The following FANK1 variants were observed in gnomAD, a reference collection of about 807,000 sequenced individuals.
FANK1 encodes the protein fibronectin type III and ankyrin repeat domains 1.
In FANK1, 44 loss-of-function variants were observed where a neutral mutation model predicts 45.3. The ratio of observed to expected loss-of-function variants is 0.97; its 90% CI spans 0.76 to 1.25. FANK1 has a LOEUF of 1.25. Ranked by LOEUF, FANK1 falls within the 50% of genes most tolerant of loss-of-function variation. The pLI, the probability that FANK1 is intolerant of heterozygous loss-of-function variation, is 0.00. For synonymous variants in FANK1, 149 were observed against 152.5 expected, an observed-to-expected ratio of 0.98 and a Z score of 0.17; for missense variants, 391 against 424.4, an observed-to-expected ratio of 0.92 and a Z score of 0.69.
intron 1 of FANK1, among the ~76,000 whole-genome samples, chr10:125,967,506 T>C (rs1950256871): frequency 6.6e-6 from 1 of 152,206 alleles, no homozygotes; most frequent in Non-Finnish European, 1.5e-5. Context: ...CTAGGTAAAA[T>C]AGAGTTGGCC....
Position 125,909,123 on chromosome 10 carries a change from C to T in FANK1, c.13+12468C>T, listed in dbSNP as rs150561837. 7.1e-3 allele frequency among the ~76,000 whole-genome samples: 1,083 copies of T among 152,318 alleles called. 11 individuals are homozygous for T. The highest frequency in any genetic ancestry group is 0.025 in the African/African-American group (1,020 of 41,576). On this transcript the variant is annotated intron_variant, in intron 1 of 10. Transcript: ENST00000368693. Reference sequence around the variant, plus strand: ...TAATGCATTAACTTCTGTAGGGTTGCTTGAATGTCCTTGCAGTATGGTAGC... The same window carrying T: ...TAATGCATTAACTTCTGTAGGGTTGTTTGAATGTCCTTGCAGTATGGTAGC...
chr10:125,977,617 G>A (rs1489919757), intron 1 of FANK1, among the ~76,000 whole-genome samples: 1 of 152,154 alleles, frequency 6.6e-6, no homozygotes, highest in Non-Finnish European at 1.5e-5. Flanking sequence ...AGGCAGCAGA[G>A]GAAGAGATCT....
intron 1 of FANK1, among the ~76,000 whole-genome samples, chr10:125,956,189 A>G (rs765132184): frequency 5.7e-5 from 5 of 87,634 alleles, no homozygotes; most frequent in South Asian, 5.6e-4. Flanking sequence ...CAGTACTTCT[A>G]TGATACATTT....
chr10:125,979,203 G>T (rs1251820208), intron 1 of FANK1, among the ~76,000 whole-genome samples: 1 of 152,182 alleles, frequency 6.6e-6, no homozygotes, highest in African/African-American at 2.4e-5. Context: ...TTTGTTCTCT[G>T]TGGGTCAGGT....
At chr10:125,898,870 C>A (rs1353087858) in intron 1 of FANK1, among the ~76,000 whole-genome samples, 1 of 150,460 alleles carries the variant, frequency 6.6e-6, no homozygotes, top group African/African-American at 2.4e-5. Flanking sequence ...TTAAATAATT[C>A]AATCACCATT....
At chr10:125,932,662 C>T (rs1041216353) in intron 1 of FANK1, among the ~76,000 whole-genome samples, 12 of 152,258 alleles carry the variant, frequency 7.9e-5, no homozygotes, top group East Asian at 1.9e-4. Flanking sequence ...CATCAGCAAA[C>T]GATAACAGTT....
At chr10:125,960,220 G>T in intron 1 of FANK1, 1 of 281,746 alleles carries the variant, frequency 3.5e-6, no homozygotes, top group South Asian at 3.9e-5. Flanking sequence ...CACAGGATCT[G>T]GACTCCAGGA....
intron 1 of FANK1, chr10:125,973,421 G>A (rs1047372607): frequency 4.1e-6 from 4 of 985,224 alleles, no homozygotes; most frequent in African/African-American, 3.5e-5. Context: ...GTGATACAAG[G>A]ACGTGAAGAT....
At chr10:125,947,256 C>T (rs1160923755) in intron 1 of FANK1, among the ~76,000 whole-genome samples, 4 of 150,768 alleles carry the variant, frequency 2.7e-5, no homozygotes, top group South Asian at 2.1e-4. Context: ...CAAATTCACA[C>T]ATAACAATAT....
Position 126,009,127 on chromosome 10 carries a change from A to T in FANK1, c.923A>T (p.Asn308Ile). The T allele has an allele frequency of 8.7e-6, 14 of 1,614,224 alleles. No individual in the cohort carries two copies. Among genetic ancestry groups the T allele is most frequent in the Non-Finnish European group, 1.2e-5 (14 of 1,180,024 alleles). Residue 308 changes from asparagine (N) to isoleucine (I), a missense_variant, in exon 9 of 11, where the codon AAT becomes ATT. Coordinates refer to ENST00000368693, the MANE Select transcript of FANK1 (RefSeq NM_145235.5). Reference sequence around the variant, plus strand: ...AAAGGGGCAGATGCAAGTGTAAAAAATGAGGTAAATGAGTCCATCTTTATG... The same window carrying T: ...AAAGGGGCAGATGCAAGTGTAAAAATTGAGGTAAATGAGTCCATCTTTATG... Reference protein sequence around the residue: ...LDKGADASVKNEFGKGVLEMA... With the variant: ...LDKGADASVKIEFGKGVLEMA...
chr10:125,927,638 C>A (rs543644204), intron 1 of FANK1, among the ~76,000 whole-genome samples: 40 of 152,222 alleles, frequency 2.6e-4, no homozygotes, highest in Middle Eastern at 6.8e-3. Context: ...CAACCTCCAC[C>A]TCCTGGGTTC....
chr10:125,945,572 A>G (rs1464541988), intron 1 of FANK1, among the ~76,000 whole-genome samples: 1 of 152,232 alleles, frequency 6.6e-6, no homozygotes, highest in Non-Finnish European at 1.5e-5. Flanking sequence ...CCACGAGATT[A>G]TATCCCACAC....
chr10:125,948,726 C>G (rs934888704), intron 1 of FANK1, among the ~76,000 whole-genome samples: 17 of 152,182 alleles, frequency 1.1e-4, no homozygotes, highest in African/African-American at 3.9e-4. Flanking sequence ...TGAAACTATT[C>G]CAATCAATAG....
Position 125,988,597 on chromosome 10 carries a change from C to T in FANK1, c.238C>T (p.Leu80=), listed in dbSNP as rs746886741. The change falls in exon 3 of 11, where the codon CTG becomes TTG. Residue 80 remains leucine, a synonymous_variant. Coordinates refer to ENST00000368693, the MANE Select transcript of FANK1 (RefSeq NM_145235.5). ...TGTTGAAGGTCTGGAACCAAGGACG[C>T]TGTACAGATTTCGCCTGAAGGTCAC... is the stretch of plus-strand genomic sequence containing the variant. ...HVVEGLEPRT[L]YRFRLKVTSP... is the part of the protein sequence containing the mutation. 3 of 1,614,208 alleles carry T rather than the reference C, an allele frequency of 1.9e-6. No individual in the cohort carries two copies. Among genetic ancestry groups the T allele is most frequent in the South Asian group, 2.2e-5 (2 of 91,078 alleles).
At chr10:125,995,256 CG>C (rs552714629) in intron 3 of FANK1, among the ~76,000 whole-genome samples, 160 bp from the exon 4 acceptor site, 1 of 152,104 alleles carries the variant, frequency 6.6e-6, no homozygotes, top group Non-Finnish European at 1.5e-5. Flanking sequence ...AGGTCATTTT[CG>C]GTAAAAGAAG....
intron 1 of FANK1, among the ~76,000 whole-genome samples, chr10:125,930,472 G>C (rs115346208): frequency 6.6e-6 from 1 of 151,704 alleles, no homozygotes; most frequent in African/African-American, 2.4e-5. Context: ...GAGCAGCTGG[G>C]ACAGCAGGCA....
chr10:125,935,476 G>A (rs1263463546), intron 1 of FANK1, among the ~76,000 whole-genome samples: 1 of 152,190 alleles, frequency 6.6e-6, no homozygotes, highest in Non-Finnish European at 1.5e-5. Context: ...TATATTTGAT[G>A]TGATAAGAAA....
intron 1 of FANK1, chr10:125,960,105 T>C (rs1410473387): frequency 6.2e-6 from 1 of 161,158 alleles, no homozygotes; most frequent in African/African-American, 2.4e-5. Context: ...ATATGTCACT[T>C]GACTAGGGAA....
At chr10:125,994,469 C>A in intron 3 of FANK1, 1 of 985,156 alleles carries the variant, frequency 1.0e-6, no homozygotes, top group Non-Finnish European at 1.2e-6. Context: ...AGGGGCTGGG[C>A]GTACAGTTGG....
Sources: gnomAD v4.1 joint callset for allele counts (sites outside exome capture counted in the v4.1 genomes callset) on GRCh38, gnomAD v4.1.1 for gene constraint, MANE v1.5 for transcripts, NCBI Gene and HGNC (gene_info 2026-07-23, HGNC 2026-07-21) for gene names.